Variants in COL16A1 observed in about 807,000 individuals in gnomAD.
COL16A1 encodes the protein collagen type XVI alpha 1 chain.
A neutral mutation model predicts 266.3 loss-of-function variants in COL16A1; 189 were observed. The observed-to-expected ratio is 0.71, with a 90% confidence interval of 0.63 to 0.80. The LOEUF is 0.80. Among genes scored for constraint, COL16A1 ranks in the 30% least tolerant of loss-of-function variants. The pLI is 0.00. For synonymous variants in COL16A1, 740 were observed against 782.3 expected (o/e 0.95, Z 0.90); for missense variants, 1,928 against 2,122.4 (o/e 0.91, Z 1.80).
intron 33 of COL16A1, 28 bp downstream of exon 33, chr1:31,683,922 G>T (rs574751054): frequency 6.2e-7 from 1 of 1,613,694 alleles, no homozygotes. Context: ...ACGTAGCTAC[G>T]GCCCAGGGCC....
chr1:31,674,452 C>T (rs4949457), intron 44 of COL16A1, among the ~76,000 whole-genome samples: 49,156 of 152,200 alleles, frequency 0.32, 8,376 homozygotes, highest in East Asian at 0.58. Context: ...CAGGCCACAG[C>T]CCTCTGGTAG....
chr1:31,665,427 C>T (rs1243109771), intron 55 of COL16A1, 156 bp downstream of exon 55: 29 of 1,467,258 alleles, frequency 2.0e-5, no homozygotes, highest in Non-Finnish European at 2.6e-5. Context: ...TCTCCAGGTC[C>T]TGGTTCCTGG....
intron 10 of COL16A1, 28 bp from the exon 11 acceptor site, chr1:31,695,249 C>A (rs757456972): frequency 6.2e-7 from 1 of 1,613,238 alleles, no homozygotes; most frequent in South Asian, 1.1e-5. Context: ...GCGAAGAGGT[C>A]AATTCTGAGC....
At chr1:31,678,829 C>T (rs935066014) in intron 42 of COL16A1, among the ~76,000 whole-genome samples, 8 of 152,160 alleles carry the variant, frequency 5.3e-5, no homozygotes, top group Admixed American at 6.5e-5. Context: ...TAGCACATGG[C>T]AGAGCCGGGA....
At chr1:31,691,708 G>C in intron 17 of COL16A1, 66 bp from the exon 18 acceptor site, 1 of 1,565,730 alleles carries the variant, frequency 6.4e-7, no homozygotes, top group Non-Finnish European at 8.7e-7. Flanking sequence ...CACTGGGAGA[G>C]GTGAATGCCC....
intron 60 of COL16A1, 68 bp downstream of exon 60, chr1:31,661,346 T>A: frequency 2.5e-6 from 4 of 1,611,316 alleles, no homozygotes; most frequent in Non-Finnish European, 3.4e-6. Context: ...TAGGCTGCCA[T>A]GTATGCCTGG....
At chr1:31,684,428 C>A (rs1451814463) in intron 31 of COL16A1, 95 bp downstream of exon 31, 2 of 1,535,068 alleles carry the variant, frequency 1.3e-6, no homozygotes, top group Admixed American at 2.0e-5. Flanking sequence ...GCCGTTAAGG[C>A]CCCAGCTGGC....
Position 31,662,352 on chromosome 1 carries a change from G to C in COL16A1, c.3663C>G (p.Asp1221Glu), listed in dbSNP as rs2271928. ...PAGLDGLDGK[D>E]GKPGLRGDPG... ...ATCTCACCCTCAAGCCAGGCTTGCC[G>C]TCCTTCCCATCCAAACCATCCAGAC... Residue 1221 changes from aspartate to glutamate, a missense_variant, in exon 58 of 71, where the codon GAC (aspartate) becomes GAG (glutamate). By Grantham distance (45) the Asp-to-Glu change is conservative. Around this residue, in one of 2 missense-constraint regions of COL16A1, gnomAD observed 1,552 missense variants for 1,637.2 expected, o/e 0.95. Coordinates refer to ENST00000373672, the MANE Select transcript of COL16A1 (RefSeq NM_001856.4). 1.3e-6 allele frequency: 2 copies of C among 1,531,050 alleles called. No individual in the cohort carries two copies. The highest frequency in any genetic ancestry group is 1.8e-6 in the Non-Finnish European group (2 of 1,124,780). 94.8% of individuals were successfully genotyped at this position (1,531,050 alleles called of 1,614,324 possible).
At position 31,670,569 on chromosome 1, in the gene COL16A1, G is replaced by C. The variant is rs1314292186; in HGVS notation, c.3195+33C>G. The C allele has an allele frequency of 1.5e-6, 2 of 1,357,188 alleles. No individual in the cohort carries two copies. Among genetic ancestry groups the C allele is most frequent in the Non-Finnish European group, 1.9e-6 (2 of 1,049,138 alleles). 84.1% of individuals were successfully genotyped at this position (1,357,188 alleles called of 1,614,324 possible). On this transcript the variant is annotated intron_variant, in intron 49 of 70. Coordinates refer to ENST00000373672, the MANE Select transcript of COL16A1 (RefSeq NM_001856.4). The surrounding 1 kb of genome is among the most constrained non-coding windows in gnomAD (Gnocchi z 4.5). ...AGCCACAGAGACCTGGCTGACGGGG[G>C]GGAGGGGAGGTCGAGCAGCGCTAGG...
At chr1:31,699,782 T>G (rs759757489) in intron 4 of COL16A1, 31 bp downstream of exon 4, 6 of 1,364,642 alleles carry the variant, frequency 4.4e-6, no homozygotes, top group Non-Finnish European at 5.2e-6. Flanking sequence ...AGGTCAGTGT[T>G]GATTCTCAGT....
At chr1:31,701,060 C>T (rs1423330564) in intron 2 of COL16A1, among the ~76,000 whole-genome samples, 1 of 152,152 alleles carries the variant, frequency 6.6e-6, no homozygotes, top group African/African-American at 2.4e-5. Context: ...TGGGAGAAGA[C>T]GGTGAAGACA....
intron 61 of COL16A1, 64 bp downstream of exon 61, chr1:31,661,002 C>T: frequency 1.3e-6 from 2 of 1,489,002 alleles, no homozygotes; most frequent in South Asian, 1.3e-5. Context: ...GAAGCGGCTG[C>T]ATCCCAGACT....
rs774692212 is a variant in COL16A1 at position 31,692,006 on chromosome 1, T to G, written c.1256A>C (p.Asp419Ala). ...TGGGGAAGGGTCCCAGGCACCTACG[T>G]CCCGGCCTGGCTTTCCCGGCACGCC... ...IKGVPGKPGR[D>A]GRPGEICVIG... The change falls in exon 17 of 71, where the codon GAC becomes GCC. Residue 419 changes from aspartate to alanine, a missense_variant and splice_region_variant. Asp to Ala is a moderately radical substitution (Grantham distance 126). Coordinates refer to ENST00000373672, the MANE Select transcript of COL16A1 (RefSeq NM_001856.4). 1.2e-6 allele frequency: 2 copies of G among 1,613,792 alleles called. No homozygotes were observed. The highest frequency in any genetic ancestry group is 1.7e-6 in the Non-Finnish European group (2 of 1,179,974).
chr1:31,672,312 G>A (rs1412219479), intron 47 of COL16A1, 104 bp downstream of exon 47: 9 of 1,300,572 alleles, frequency 6.9e-6, no homozygotes, highest in African/African-American at 2.9e-5. Flanking sequence ...AGCCCAGAGT[G>A]GTAAAGGGCA....
chr1:31,701,359 C>A (rs1318510724), intron 2 of COL16A1: 1 of 985,244 alleles, frequency 1.0e-6, no homozygotes, highest in Non-Finnish European at 1.2e-6. Context: ...CATATGTGCA[C>A]ATACAAGGGG....
Position 31,689,049 on chromosome 1 carries a change from C to A in COL16A1, c.1656+1G>T, listed in dbSNP as rs72887331. The A allele has an allele frequency of 6.6e-3, 10,684 of 1,613,940 alleles. 595 individuals are homozygous for A. In the African/African-American group the frequency reaches 0.12, roughly 19 times the overall value. On this transcript the variant is annotated splice_donor_variant, in intron 24 of 70. Coordinates refer to ENST00000373672, the MANE Select transcript of COL16A1 (RefSeq NM_001856.4). LOFTEE classifies it high-confidence loss of function. ...CAGCCAGGAGAGCAGGGTTCCCTCA[C>A]CTTCTCTCCTTTGATGCCTTGGATG...
intron 20 of COL16A1, 69 bp downstream of exon 20, chr1:31,691,119 C>G: frequency 6.4e-7 from 1 of 1,570,986 alleles, no homozygotes; most frequent in East Asian, 2.3e-5. Context: ...GGAAGCTGCC[C>G]CGGCCCCTTC....
chr1:31,691,615 C>T lies in COL16A1; in HGVS notation c.1285G>A (p.Gly429Arg). The T allele has an allele frequency of 6.2e-7, 1 of 1,613,808 alleles. No individual in the cohort carries two copies. The highest frequency in any genetic ancestry group is 8.5e-7 in the Non-Finnish European group (1 of 1,179,972). The change falls in exon 18 of 71, where the codon GGG becomes AGG. Residue 429 changes from glycine (G) to arginine (R), a missense_variant. By Grantham distance (125) the Gly-to-Arg change is moderately radical. Around this residue, in one of 2 missense-constraint regions of COL16A1, gnomAD observed 1,552 missense variants for 1,637.2 expected, o/e 0.95. Coordinates refer to ENST00000373672, the MANE Select transcript of COL16A1 (RefSeq NM_001856.4). ...DGRPGEICVI[G>R]PKGQKGDPGF... ...CAACTCACCTTCTGCCCTTTGGGCC[C>T]AATGACACAGATCTCTCCTGGCCGG...
chr1:31,660,531 C>G, intron 62 of COL16A1, 54 bp downstream of exon 62: 6 of 1,603,486 alleles, frequency 3.7e-6, no homozygotes, highest in African/African-American at 1.3e-5. Context: ...CCACCAACCA[C>G]CCCGCCAAAA....
Sources: gnomAD v4.1 joint callset for allele counts (sites outside exome capture counted in the v4.1 genomes callset) on GRCh38, gnomAD v4.1.1 for gene constraint, gnomAD v4.1.1 regional missense constraint, Gnocchi (gnomAD v3.1) non-coding constraint, MANE v1.5 for transcripts, NCBI Gene and HGNC (gene_info 2026-07-23, HGNC 2026-07-21) for gene names.